SHISA9: variants seen among roughly 807,000 people sequenced by gnomAD.
SHISA9 encodes the protein protein shisa-9.
In SHISA9, 13 loss-of-function variants were observed where a neutral mutation model predicts 38.0. The observed-to-expected ratio is 0.34, with a 90% CI of 0.22 to 0.54. SHISA9 has a LOEUF of 0.54. SHISA9 is among the 20% of genes least tolerant of loss of function. The pLI is 0.91. For synonymous variants in SHISA9, 275 were observed against 242.0 expected, an observed-to-expected ratio of 1.14 and a Z score of -1.27; for missense variants, 538 against 575.8, an observed-to-expected ratio of 0.93 and a Z score of 0.67.
chr16:13,552,939 A>T, the SHISA9 span, among the ~76,000 whole-genome samples: 2 of 151,920 alleles, frequency 1.3e-5, no homozygotes, highest in Admixed American at 1.3e-4. Flanking sequence ...GGCGCTATTG[A>T]TCTCTTGGGC....
At chr16:13,425,035 TATC>T in the SHISA9 span, among the ~76,000 whole-genome samples, 1 of 152,242 alleles carries the variant, frequency 6.6e-6, no homozygotes, top group African/African-American at 2.4e-5. Context: ...AAAAGAATGA[TATC>T]ATGGCCTTTG....
the SHISA9 span, among the ~76,000 whole-genome samples, chr16:13,428,773 GT>G: frequency 1.7e-4 from 25 of 145,336 alleles, no homozygotes; most frequent in Non-Finnish European, 2.3e-4. Context: ...TTGTTTTATT[GT>G]TTTTTTTTTT....
At chr16:13,074,252 G>A (rs578077971) in intron 2 of SHISA9, among the ~76,000 whole-genome samples, 40 of 152,246 alleles carry the variant, frequency 2.6e-4, no homozygotes, top group African/African-American at 8.9e-4. Flanking sequence ...TTACGGGCAT[G>A]AGCCACCATG....
Position 13,237,501 on chromosome 16 carries a change from A to G in SHISA9, c.*2092A>G, listed in dbSNP as rs945575327. 3.3e-5 allele frequency: 5 copies of G among 152,030 alleles called. No homozygotes were observed. Among genetic ancestry groups the G allele is most frequent in the African/African-American group, 9.7e-5 (4 of 41,394 alleles). The allele number at this position is 152,030 out of a possible 1,614,324, so 9.4% of individuals were successfully genotyped here. A position where few individuals can be genotyped will look rare whatever the true frequency, so the allele number is the denominator to read the frequency against. ...AACATGGTGAAACCCCGTCTCTACT[A>G]AAAATACAAACATTAGCTGGGCATG... On this transcript the variant is annotated 3_prime_UTR_variant, in exon 5 of 5. Transcript: ENST00000558583.
intron 2 of SHISA9, among the ~76,000 whole-genome samples, chr16:12,937,863 C>CT (rs5815729): frequency 0.065 from 9,859 of 152,158 alleles, 454 homozygotes; most frequent in South Asian, 0.12. Context: ...ATACTGGAGA[C>CT]TTTTTTTTGC....
chr16:12,913,689 G>A (rs1462272096), intron 1 of SHISA9, among the ~76,000 whole-genome samples: 3 of 152,098 alleles, frequency 2.0e-5, no homozygotes, highest in Non-Finnish European at 2.9e-5. Context: ...TGTGTCCCCT[G>A]GCAACCATGA....
chr16:12,998,407 C>G (rs1209458687), intron 2 of SHISA9, among the ~76,000 whole-genome samples: 2 of 152,206 alleles, frequency 1.3e-5, no homozygotes, highest in Non-Finnish European at 2.9e-5. Context: ...GACCCAGCCT[C>G]CTTTTGGTAT....
At chr16:13,105,085 TAAAC>T (rs1167012780) in intron 2 of SHISA9, among the ~76,000 whole-genome samples, 1 of 152,146 alleles carries the variant, frequency 6.6e-6, no homozygotes, top group Non-Finnish European at 1.5e-5. Context: ...AATATAATAA[TAAAC>T]AATAAAATAT....
Position 13,204,037 on chromosome 16 carries a change from TCATC to T in SHISA9, c.847+502_847+505del, listed in dbSNP as rs573247514. ...TACCTACCTATGTATTATCTATCTA[TCATC>T]CATCCATCCATCCTTCTATCCATCT... On this transcript the variant is annotated intron_variant, in intron 3 of 4. Transcript: ENST00000558583. Among the ~76,000 whole-genome samples the T allele has an allele frequency of 2.0e-3, 307 of 152,190 alleles. 1 individual carries two copies. The highest frequency in any genetic ancestry group is 2.2e-3 in the Non-Finnish European group (152 of 67,992).
intron 1 of SHISA9, among the ~76,000 whole-genome samples, chr16:12,908,110 A>G (rs1189614405): frequency 2.2e-5 from 2 of 91,600 alleles, no homozygotes; most frequent in African/African-American, 7.3e-5. Flanking sequence ...CTTGGAAAAC[A>G]ATGAGCTCAG....
chr16:13,236,697 T>TA lies in SHISA9; in HGVS notation c.*1290dup, dbSNP rs2051388189. On this transcript the variant is annotated 3_prime_UTR_variant, in exon 5 of 5. Coordinates refer to ENST00000558583, the MANE Select transcript of SHISA9 (RefSeq NM_001145204.3). ...TTCCTTTGTAGGTGAGCCCACCCCA[T>TA]AACACCCTCTGAGGGGCTGCTACAA... 6.6e-6 allele frequency: 1 copy of TA among 152,156 alleles called. No individual in the cohort carries two copies. Among genetic ancestry groups the TA allele is most frequent in the Admixed American group, 6.6e-5 (1 of 15,256 alleles). 9.4% of individuals were successfully genotyped at this position (152,156 alleles called of 1,614,324 possible).
At chr16:13,445,807 G>C in the SHISA9 span, among the ~76,000 whole-genome samples, 1 of 152,276 alleles carries the variant, frequency 6.6e-6, no homozygotes, top group Non-Finnish European at 1.5e-5. Flanking sequence ...CCAGTTATGT[G>C]ACTTTGGGAG....
At chr16:13,447,815 T>G in the SHISA9 span, among the ~76,000 whole-genome samples, 1 of 152,224 alleles carries the variant, frequency 6.6e-6, no homozygotes, top group Non-Finnish European at 1.5e-5. Flanking sequence ...ATGTGATTAC[T>G]GTAGTGGGTA....
the SHISA9 span, among the ~76,000 whole-genome samples, chr16:13,434,667 C>G: frequency 6.6e-6 from 1 of 152,068 alleles, no homozygotes; most frequent in Non-Finnish European, 1.5e-5. Flanking sequence ...ATCCGCCCAC[C>G]TCGGCGTCCC....
chr16:12,928,314 T>TGTGTG (rs142507427), intron 2 of SHISA9, among the ~76,000 whole-genome samples: 1 of 150,934 alleles, frequency 6.6e-6, no homozygotes, highest in Non-Finnish European at 1.5e-5. Flanking sequence ...CAGAGGTTGG[T>TGTGTG]TGTGTGTGTG....
intron 1 of SHISA9, chr16:12,908,569 C>G: frequency 6.4e-7 from 1 of 1,551,786 alleles, no homozygotes; most frequent in East Asian, 2.4e-5. Flanking sequence ...GACTTCAAAC[C>G]TGGACAGTCT....
At chr16:13,548,744 C>G in the SHISA9 span, among the ~76,000 whole-genome samples, 2 of 152,232 alleles carry the variant, frequency 1.3e-5, 1 homozygote, top group East Asian at 3.9e-4. Flanking sequence ...AAGGAGAACA[C>G]ATACCTTTTT....
intron 2 of SHISA9, among the ~76,000 whole-genome samples, chr16:13,158,615 G>C (rs772537334): frequency 8.5e-5 from 13 of 152,254 alleles, no homozygotes; most frequent in Non-Finnish European, 1.3e-4. Context: ...CCAAGCCTAG[G>C]TCACATGCTC....
chr16:13,230,047 G>A (rs1047845922), intron 4 of SHISA9, among the ~76,000 whole-genome samples: 1 of 152,084 alleles, frequency 6.6e-6, no homozygotes, highest in South Asian at 2.1e-4. Flanking sequence ...TCAGATCAAG[G>A]CCCCTTTGTG....
Sources: allele counts gnomAD v4.1 joint callset (sites outside exome capture counted in the v4.1 genomes callset), GRCh38; gene constraint gnomAD v4.1.1; transcripts MANE v1.5; gene names NCBI Gene and HGNC (gene_info 2026-07-23, HGNC 2026-07-21).